RAB3C: variants seen among roughly 807,000 people sequenced by gnomAD.
The protein encoded by RAB3C is ras-related protein Rab-3C.
Under a neutral mutation model 26.4 loss-of-function variants are expected in RAB3C, and 17 were observed. The ratio of observed to expected loss-of-function variants is 0.64; its 90% CI spans 0.44 to 0.97. The LOEUF is 0.97. RAB3C is among the 50% of genes least tolerant of loss of function. RAB3C has a pLI of 0.00. For missense variants in RAB3C, 242 were observed against 281.9 expected, an observed-to-expected ratio of 0.86 and a Z score of 1.01; for synonymous variants, 91 against 95.9, an observed-to-expected ratio of 0.95 and a Z score of 0.30.
chr5:58,836,694 T>A (rs1158668964), intron 4 of RAB3C, among the ~76,000 whole-genome samples: 2 of 152,164 alleles, frequency 1.3e-5, no homozygotes, highest in African/African-American at 4.8e-5. Context: ...GTTCTACCCA[T>A]ATTGCTGTGA....
chr5:58,649,547 C>T (rs980086067), intron 2 of RAB3C, among the ~76,000 whole-genome samples: 1 of 151,922 alleles, frequency 6.6e-6, no homozygotes, highest in African/African-American at 2.4e-5. Context: ...GCCCATTTCC[C>T]CTCCCAGGTC....
rs1323236591 is a variant in RAB3C at position 58,857,207 on chromosome 5, G to A, written c.*5856G>A. The A allele has an allele frequency of 6.6e-6, 1 of 152,060 alleles. No homozygotes were observed. The highest frequency in any genetic ancestry group is 2.1e-4 in the South Asian group (1 of 4,820). 9.4% of individuals were successfully genotyped at this position (152,060 alleles called of 1,614,324 possible). ...TGTGACTTATTCAAATGATTTTCTT[G>A]TAGCTGTATTTGTCTAGTGGTGCAA... On this transcript the variant is annotated 3_prime_UTR_variant, in exon 5 of 5. Transcript: ENST00000282878.
intron 2 of RAB3C, among the ~76,000 whole-genome samples, chr5:58,626,730 C>T (rs1747060538): frequency 1.3e-5 from 2 of 152,152 alleles, no homozygotes; most frequent in South Asian, 4.1e-4. Flanking sequence ...AGTAAGTACT[C>T]AAGAAACAAA....
chr5:58,782,822 T>C (rs1238603979), intron 3 of RAB3C, among the ~76,000 whole-genome samples: 2 of 152,170 alleles, frequency 1.3e-5, no homozygotes, highest in Admixed American at 6.6e-5. Context: ...GAAAAAAAGA[T>C]AGGATAAGAA....
intron 3 of RAB3C, among the ~76,000 whole-genome samples, chr5:58,756,139 C>A (rs1741651449): frequency 6.6e-6 from 1 of 151,270 alleles, no homozygotes; most frequent in Admixed American, 6.6e-5. Flanking sequence ...TGGTTTATTT[C>A]TTTCCCCACC....
chr5:58,712,937 T>C (rs979044890), intron 2 of RAB3C, among the ~76,000 whole-genome samples: 4 of 152,176 alleles, frequency 2.6e-5, no homozygotes, highest in African/African-American at 7.2e-5. Flanking sequence ...AAGACAAAGA[T>C]AAGAAAACAT....
intron 4 of RAB3C, among the ~76,000 whole-genome samples, chr5:58,837,834 C>T (rs1251040936): frequency 6.6e-6 from 1 of 152,154 alleles, no homozygotes; most frequent in Non-Finnish European, 1.5e-5. Context: ...GCTGGGATTA[C>T]AGGCATGAGT....
intron 3 of RAB3C, among the ~76,000 whole-genome samples, chr5:58,760,851 A>G (rs1236707735): frequency 6.6e-6 from 1 of 152,208 alleles, no homozygotes; most frequent in Non-Finnish European, 1.5e-5. Context: ...AACATCAGTC[A>G]TCAGTACAGG....
At chr5:58,691,278 T>G (rs1748565979) in intron 2 of RAB3C, among the ~76,000 whole-genome samples, 1 of 152,144 alleles carries the variant, frequency 6.6e-6, no homozygotes, top group African/African-American at 2.4e-5. Context: ...ATAATGAAGT[T>G]TCTTCTGCAT....
At chr5:58,804,347 T>TC (rs1333694550) in intron 3 of RAB3C, among the ~76,000 whole-genome samples, 1 of 152,082 alleles carries the variant, frequency 6.6e-6, no homozygotes, top group Non-Finnish European at 1.5e-5. Flanking sequence ...TCCTATTGCC[T>TC]CCCCCAGGCC....
chr5:58,742,635 C>G (rs1230060283), intron 3 of RAB3C, among the ~76,000 whole-genome samples: 1 of 152,150 alleles, frequency 6.6e-6, no homozygotes, highest in South Asian at 2.1e-4. Flanking sequence ...AAATTATTTC[C>G]TTATCATTCT....
chr5:58,815,067 T>C (rs947415818), intron 3 of RAB3C, among the ~76,000 whole-genome samples: 2 of 152,178 alleles, frequency 1.3e-5, no homozygotes, highest in Admixed American at 6.5e-5. Context: ...TGCAGCTGAA[T>C]TGACACTCCT....
rs959830291 is a variant in RAB3C, at chr5:58,796,004, G to A, written c.372-29034G>A. Reference sequence around the variant, plus strand: ...GGACAACTGCAAATTACTAGCTCCAGGAAAATTACTCCTCTCAGATCTGCA... The same window carrying A: ...GGACAACTGCAAATTACTAGCTCCAAGAAAATTACTCCTCTCAGATCTGCA... On this transcript the variant is annotated intron_variant, in intron 3 of 4. Coordinates refer to ENST00000282878, the MANE Select transcript of RAB3C (RefSeq NM_138453.4). Among the ~76,000 whole-genome samples the A allele has an allele frequency of 5.3e-5, 8 of 152,106 alleles. No homozygotes were observed. The East Asian group carries it at 1.5e-3, about 29-fold the overall frequency.
chr5:58,687,227 C>T (rs866548667), intron 2 of RAB3C, among the ~76,000 whole-genome samples: 6 of 152,066 alleles, frequency 3.9e-5, no homozygotes, highest in African/African-American at 9.7e-5. Flanking sequence ...CTGCTATCTT[C>T]GCAAAATGTG....
chr5:58,588,955 T>A (rs1206959776), intron 1 of RAB3C, among the ~76,000 whole-genome samples: 5 of 152,176 alleles, frequency 3.3e-5, no homozygotes, highest in Non-Finnish European at 7.4e-5. Context: ...ATAGACGTGA[T>A]GACAGCGGAC....
intron 3 of RAB3C, among the ~76,000 whole-genome samples, chr5:58,769,223 G>T (rs1741975423): frequency 2.0e-5 from 3 of 152,174 alleles, no homozygotes; most frequent in Non-Finnish European, 2.9e-5. Context: ...AGTGTGCAGG[G>T]TATATCCTGG....
In RAB3C at chr5:58,672,937, C is replaced by T. The variant is rs1014491510; in HGVS notation, c.253-53065C>T. 2.6e-5 allele frequency among the ~76,000 whole-genome samples: 4 copies of T among 152,140 alleles called. No individual in the cohort carries two copies. The East Asian group carries it at 7.7e-4, about 29-fold the overall frequency. ...GGTTGTCATTTGTTAAAGTCTACCC[C>T]ATTTCAGTTATTCAGTTGTTCTTGT... On this transcript the variant is annotated intron_variant, in intron 2 of 4. Transcript: ENST00000282878.
intron 3 of RAB3C, among the ~76,000 whole-genome samples, chr5:58,744,360 TG>T (rs1741345123): frequency 6.6e-6 from 1 of 152,222 alleles, no homozygotes; most frequent in African/African-American, 2.4e-5. Flanking sequence ...ATCTTATTAA[TG>T]GAAGTAGACA....
intron 3 of RAB3C, among the ~76,000 whole-genome samples, chr5:58,783,740 G>A (rs1358745237): frequency 6.6e-6 from 1 of 152,164 alleles, no homozygotes; most frequent in Non-Finnish European, 1.5e-5. Flanking sequence ...ATGCACTGAG[G>A]TATTAAACAT....
Sources: allele counts gnomAD v4.1 joint callset (sites outside exome capture counted in the v4.1 genomes callset), GRCh38; gene constraint gnomAD v4.1.1; transcripts MANE v1.5; gene names NCBI Gene and HGNC (gene_info 2026-07-23, HGNC 2026-07-21).